SPINK5: variants seen among roughly 807,000 people sequenced by gnomAD.
SPINK5 encodes serine protease inhibitor Kazal-type 5.
SPINK5 carries 125 observed loss-of-function variants against 151.8 expected under a neutral mutation model. The observed-to-expected ratio is 0.82, with a 90% CI of 0.71 to 0.96. The LOEUF is 0.96. Ranked by LOEUF, SPINK5 falls within the 40% of genes least tolerant of loss-of-function variation. The probability of loss-of-function intolerance (pLI) is 0.00; values close to 1 mark genes in which losing one functional copy is unlikely to be tolerated. For synonymous variants in SPINK5, 374 were observed against 395.3 expected, an observed-to-expected ratio of 0.95 and a Z score of 0.64; for missense variants, 1,194 against 1,291.9, an observed-to-expected ratio of 0.92 and a Z score of 1.16.
At chr5:148,095,555 G>A (rs1269458445) in intron 9 of SPINK5, among the ~76,000 whole-genome samples, 1 of 151,924 alleles carries the variant, frequency 6.6e-6, no homozygotes, top group Non-Finnish European at 1.5e-5. Flanking sequence ...TTTGGGAACT[G>A]GAATGTCTTC....
intron 22 of SPINK5, 61 bp from the exon 23 acceptor site, chr5:148,118,376 A>G: frequency 4.3e-6 from 7 of 1,610,420 alleles, no homozygotes; most frequent in Non-Finnish European, 5.9e-6. Flanking sequence ...TGTTAAAACA[A>G]TTTACTAAGA....
At chr5:148,098,135 T>C (rs1295192558) in intron 11 of SPINK5, 141 bp downstream of exon 11, 2 of 814,892 alleles carry the variant, frequency 2.5e-6, no homozygotes, top group Admixed American at 2.2e-5. Context: ...ATATCAGTGA[T>C]AGAGCTGGGA....
chr5:148,079,098 A>G (rs1752955887), intron 4 of SPINK5, among the ~76,000 whole-genome samples: 1 of 151,084 alleles, frequency 6.6e-6, no homozygotes, highest in African/African-American at 2.4e-5. Context: ...AGACATCAGT[A>G]TGTGCCCTGG....
chr5:148,127,420 T>C (rs1392610347), intron 30 of SPINK5, among the ~76,000 whole-genome samples: 4 of 152,208 alleles, frequency 2.6e-5, no homozygotes, highest in African/African-American at 7.2e-5. Flanking sequence ...TTGGTATTCT[T>C]AGCTTCCTCA....
In SPINK5 at chr5:148,064,115, G is replaced by A. The variant is rs764589272; in HGVS notation, c.55+16G>A. The A allele has an allele frequency of 3.3e-5, 53 of 1,613,916 alleles. No individual in the cohort carries two copies. The Admixed American group carries it at 7.3e-4, about 22-fold the overall frequency. On this transcript the variant is annotated intron_variant, in intron 1 of 32. Transcript: ENST00000256084. ...CTCATACAAGGTGAGCAATTTGTGT[G>A]TAATCTAAGCCTCTTGCCACACATC...
At chr5:148,080,661 TA>T (rs1213224155) in intron 4 of SPINK5, among the ~76,000 whole-genome samples, 2 of 151,536 alleles carry the variant, frequency 1.3e-5, no homozygotes, top group Non-Finnish European at 1.5e-5. Flanking sequence ...ATTTTGGCAC[TA>T]AATGTAAAAG....
At chr5:148,112,983 G>C (rs779298266) in intron 20 of SPINK5, 49 bp downstream of exon 20, 10 of 1,607,098 alleles carry the variant, frequency 6.2e-6, no homozygotes, top group Non-Finnish European at 7.6e-6. Context: ...AGATTTTGCA[G>C]TATCTCTGTA....
Position 148,100,539 on chromosome 5 carries a change from G to A in SPINK5, c.1178G>A (p.Gly393Glu), listed in dbSNP as rs2113116860. 6.2e-7 allele frequency: 1 copy of A among 1,613,258 alleles called. No homozygotes were observed. Residue 393 changes from glycine (G) to glutamate (E), a missense_variant, in exon 13 of 33, where the codon GGG (glycine) becomes GAG (glutamate). Coordinates refer to ENST00000256084, the MANE Select transcript of SPINK5 (RefSeq NM_006846.4). ...AACGATCCTATCCAGGGCCCAGATG[G>A]GAAAGTGCATGGCAACACCTGCTCC... The part of the protein sequence containing the change: ...RENDPIQGPD[G>E]KVHGNTCSMC...
chr5:148,107,524 T>C (rs1394960015), intron 17 of SPINK5, among the ~76,000 whole-genome samples: 1 of 152,132 alleles, frequency 6.6e-6, no homozygotes, highest in African/African-American at 2.4e-5. Flanking sequence ...TCTATTCAGA[T>C]AGGAGCTAAG....
intron 4 of SPINK5, among the ~76,000 whole-genome samples, chr5:148,078,013 G>C (rs1459087769): frequency 1.3e-5 from 2 of 150,962 alleles, no homozygotes; most frequent in Non-Finnish European, 3.0e-5. Flanking sequence ...TCAAAATGCA[G>C]AAATTGTCAA....
In SPINK5 at chr5:148,065,407, C is replaced by T. The variant is rs375930339; in HGVS notation, c.81+35C>T. The T allele has an allele frequency of 2.0e-5, 32 of 1,611,496 alleles. No individual in the cohort carries two copies. The African/African-American group carries it at 3.9e-4, about 20-fold the overall frequency. ...GCTTTTTCTGTTCATTGAATTCATT[C>T]CAAGATTCCCAAAGAAAAGTGGTTT... On this transcript the variant is annotated intron_variant, in intron 2 of 32. Transcript: ENST00000256084.
chr5:148,096,052 A>G (rs1376500724), intron 10 of SPINK5, 147 bp downstream of exon 10: 18 of 665,456 alleles, frequency 2.7e-5, no homozygotes, highest in Non-Finnish European at 3.7e-5. Flanking sequence ...ACTAATTTCT[A>G]GTTATTATTT....
At position 148,064,093 on chromosome 5, in the gene SPINK5, A is replaced by G. The variant is rs1421879211; in HGVS notation, c.49A>G (p.Ile17Val). Reference protein sequence around the residue: ...SVLLPLALCLIQDAASKNEDQ... With the variant: ...SVLLPLALCLVQDAASKNEDQ... ...GCTTCTGCCCTTGGCTCTTTGCCTCATACAAGGTGAGCAATTTGTGTGTAA... is the reference window on the plus strand; with the variant it reads ...GCTTCTGCCCTTGGCTCTTTGCCTCGTACAAGGTGAGCAATTTGTGTGTAA... Residue 17 changes from isoleucine to valine, a missense_variant, in exon 1 of 33, where the codon ATA becomes GTA. Coordinates refer to ENST00000256084, the MANE Select transcript of SPINK5 (RefSeq NM_006846.4). The G allele has an allele frequency of 6.2e-7, 1 of 1,614,158 alleles. No homozygotes were observed. The highest frequency in any genetic ancestry group is 1.7e-5 in the Admixed American group (1 of 60,016).
At chr5:148,125,950 T>C in intron 29 of SPINK5, 100 bp downstream of exon 29, 1 of 1,554,646 alleles carries the variant, frequency 6.4e-7, no homozygotes, top group East Asian at 2.2e-5. Flanking sequence ...CCCCATGGGA[T>C]TTTAAAAATA....
rs201269335 is a variant in SPINK5 at position 148,101,440 on chromosome 5, A to T, written c.1302+4A>T. On this transcript the variant is annotated splice_donor_region_variant and intron_variant, in intron 14 of 32. Transcript: ENST00000256084. ...TAAGAGTACAGCTTCCTTTGAGGTG[A>T]GTTTATATCCTCCAGCAACTCAGAG... The T allele has an allele frequency of 2.6e-5, 42 of 1,605,810 alleles. No individual in the cohort carries two copies. Among genetic ancestry groups the T allele is most frequent in the Non-Finnish European group, 3.2e-5 (38 of 1,172,656 alleles).
chr5:148,125,798 G>A lies in SPINK5; in HGVS notation c.2815G>A (p.Gly939Ser), dbSNP rs745629585. Residue 939 changes from glycine (G) to serine (S), a missense_variant, in exon 29 of 33, where the codon GGT (glycine) becomes AGT (serine). Coordinates refer to ENST00000256084, the MANE Select transcript of SPINK5 (RefSeq NM_006846.4). Reference sequence around the variant, plus strand: ...CCCTAGAGAGAATGACCCAGTGCACGGTGCTGATGGAAAGTTCTATACAAA... The same window carrying A: ...CCCTAGAGAGAATGACCCAGTGCACAGTGCTGATGGAAAGTTCTATACAAA... ...ICPRENDPVH[G>S]ADGKFYTNKC... The A allele has an allele frequency of 1.1e-5, 18 of 1,614,062 alleles. No individual in the cohort carries two copies. Among genetic ancestry groups the A allele is most frequent in the South Asian group, 2.2e-5 (2 of 91,090 alleles).
At chr5:148,085,830 G>A (rs549467840) in intron 4 of SPINK5, among the ~76,000 whole-genome samples, 1 of 151,978 alleles carries the variant, frequency 6.6e-6, no homozygotes, top group East Asian at 2.0e-4. Context: ...TGTTCCAAGT[G>A]CTATACATGA....
intron 30 of SPINK5, among the ~76,000 whole-genome samples, chr5:148,127,769 G>A (rs1240431598): frequency 1.3e-5 from 2 of 152,076 alleles, no homozygotes; most frequent in Non-Finnish European, 1.5e-5. Context: ...GAGGTGGAAG[G>A]ATGGCTTGAG....
chr5:148,125,516 T>G (rs1324020262), intron 28 of SPINK5: 2 of 1,612,938 alleles, frequency 1.2e-6, no homozygotes, highest in African/African-American at 1.3e-5. Flanking sequence ...TTTCCCTACA[T>G]TTTTCAGGAC....
Sources: allele counts gnomAD v4.1 joint callset (sites outside exome capture counted in the v4.1 genomes callset), GRCh38; gene constraint gnomAD v4.1.1; transcripts MANE v1.5; gene names NCBI Gene and HGNC (gene_info 2026-07-23, HGNC 2026-07-21).